IPO4: variants seen among roughly 807,000 people sequenced by gnomAD.
The protein encoded by IPO4 is importin-4.
In IPO4, 91 loss-of-function variants were observed where a neutral mutation model predicts 133.5. The ratio of observed to expected loss-of-function variants is 0.68; its 90% CI spans 0.58 to 0.81. The LOEUF (loss-of-function observed/expected upper bound fraction) is 0.81. Ranked by LOEUF, IPO4 falls within the 30% of genes least tolerant of loss-of-function variation. The pLI is 0.00. For missense variants in IPO4, 1,279 were observed against 1,386.2 expected, an observed-to-expected ratio of 0.92 and a Z score of 1.23; for synonymous variants, 607 against 581.6, an observed-to-expected ratio of 1.04 and a Z score of -0.63.
In IPO4 at chr14:24,184,897, C is replaced by T. The variant is rs745498404; in HGVS notation, c.1492G>A (p.Glu498Lys). 14 of 1,613,936 alleles carry T rather than the reference C, an allele frequency of 8.7e-6. No individual in the cohort carries two copies. Among genetic ancestry groups the T allele is most frequent in the Non-Finnish European group, 1.1e-5 (13 of 1,179,998 alleles). ...LRNPSSPRAK[E>K]LAVSALGAIA... ...GCTCCCAGGGCGCTCACAGCCAGCT[C>T]CTTGGCCCGGGGACTGCTGGGGTTC... is the stretch of plus-strand genomic sequence containing the variant. The change falls in exon 15 of 30, where the codon GAG (glutamate) becomes AAG (lysine). Residue 498 changes from glutamate to lysine, a missense_variant. Coordinates refer to ENST00000354464, the MANE Select transcript of IPO4 (RefSeq NM_024658.4).
chr14:24,183,891 T>A lies in IPO4; in HGVS notation c.1877A>T (p.Tyr626Phe). Residue 626 changes from tyrosine (Y) to phenylalanine (F), a missense_variant, in exon 19 of 30, where the codon TAT (tyrosine) becomes TTT (phenylalanine). Tyr to Phe is a conservative substitution (Grantham distance 22, BLOSUM62 3). Coordinates refer to ENST00000354464, the MANE Select transcript of IPO4 (RefSeq NM_024658.4). ...CAGAAGGAAGGAGCTGCTCCCGTCA[T>A]ACTGAGGCTGGAGCGGAGGCACGGC... ...LRSTEGIVPQ[Y>F]DGSSSFLLFD... is the part of the protein sequence containing the mutation. 1 of 1,614,016 alleles carries A rather than the reference T, an allele frequency of 6.2e-7. No individual in the cohort carries two copies. The highest frequency in any genetic ancestry group is 8.5e-7 in the Non-Finnish European group (1 of 1,180,020).
chr14:24,181,793 C>T lies in IPO4; in HGVS notation c.2858G>A (p.Arg953Gln), dbSNP rs565997832. ...GATGTTGTCACGGACACGATCATGT[C>T]GCTCCCGCGCCAGGAGGGGAAAAAG... is the stretch of plus-strand genomic sequence containing the variant. Reference protein sequence around the residue: ...GLLFPLLARERHDRVRDNICG... With the variant: ...GLLFPLLAREQHDRVRDNICG... Residue 953 changes from arginine to glutamine, a missense_variant, in exon 27 of 30, where the codon CGA becomes CAA. By Grantham distance (43) the Arg-to-Gln change is conservative. This residue lies in a region of IPO4 where 575 missense variants were observed against 653.4 expected (regional missense o/e 0.88). Coordinates refer to ENST00000354464, the MANE Select transcript of IPO4 (RefSeq NM_024658.4). The T allele has an allele frequency of 1.4e-5, 23 of 1,599,356 alleles. No individual in the cohort carries two copies. Among genetic ancestry groups the T allele is most frequent in the African/African-American group, 6.7e-5 (5 of 74,804 alleles).
intron 12 of IPO4, 63 bp downstream of exon 12, chr14:24,185,797 TA>T: frequency 1.6e-6 from 2 of 1,281,036 alleles, no homozygotes; most frequent in Non-Finnish European, 2.3e-6. Context: ...ACAACAAGCG[TA>T]AACCAGGACA....
intron 9 of IPO4, 48 bp from the exon 10 acceptor site, chr14:24,186,499 T>C (rs2039225464): frequency 6.6e-7 from 1 of 1,522,350 alleles, no homozygotes; most frequent in Admixed American, 2.1e-5. Flanking sequence ...GCTCCCAGGA[T>C]GGGCTCACAT....
rs780891755 is a variant in IPO4 at position 24,182,996 on chromosome 14, T to G, written c.2401A>C (p.Lys801Gln). ...CTCACCTTCCTCTGCAGCACAGCCTTGAGCACGCCACAGAGCTCAGCGAGG... is the reference window on the plus strand; with the variant it reads ...CTCACCTTCCTCTGCAGCACAGCCTGGAGCACGCCACAGAGCTCAGCGAGG... ...GRLAELCGVL[K>Q]AVLQRKTACQ... Residue 801 changes from lysine (K) to glutamine (Q), a missense_variant, in exon 23 of 30, where the codon AAG (lysine) becomes CAG (glutamine). Physicochemically the swap from Lys to Gln is moderately conservative, Grantham distance 53 (BLOSUM62 1). Transcript: ENST00000354464. 1 of 1,613,494 alleles carries G rather than the reference T, an allele frequency of 6.2e-7. No individual in the cohort carries two copies. The highest frequency in any genetic ancestry group is 8.5e-7 in the Non-Finnish European group (1 of 1,179,788).
At position 24,185,979 on chromosome 14, in the gene IPO4, G is replaced by A; in HGVS notation, c.1060-9C>T. 6.2e-7 allele frequency: 1 copy of A among 1,612,504 alleles called. No homozygotes were observed. On this transcript the variant is annotated splice_polypyrimidine_tract_variant and intron_variant, in intron 11 of 29. Transcript: ENST00000354464. ...TCTTCCAACATGGGCATCTAGGGAA[G>A]CATGTGGCACGCTTCTGAAACCCCA...
At chr14:24,186,668 A>G in intron 9 of IPO4, 40 bp downstream of exon 9, 1 of 1,553,520 alleles carries the variant, frequency 6.4e-7, no homozygotes, top group South Asian at 1.1e-5. Context: ...AAGGGTGGAG[A>G]TGGGGGTGGG....
At chr14:24,185,793 A>C in intron 12 of IPO4, 68 bp downstream of exon 12, 1 of 1,227,102 alleles carries the variant, frequency 8.1e-7, no homozygotes, top group South Asian at 1.2e-5. Flanking sequence ...TTGAACAACA[A>C]GCGTAAACCA....
Position 24,185,565 on chromosome 14 carries a change from A to G in IPO4, c.1172T>C (p.Leu391Pro), listed in dbSNP as rs371921385. 2 of 1,613,512 alleles carry G rather than the reference A, an allele frequency of 1.2e-6. No homozygotes were observed. Among genetic ancestry groups the G allele is most frequent in the African/African-American group, 1.3e-5 (1 of 74,912 alleles). ...CACAATCTGCAGCAGTGGGGGCAGC[A>G]GTCTGGATGGGGCAAACAAGAGGAC... Reference protein sequence around the residue: ...DGAGDHIRQRLLPPLLQIVCK... With the variant: ...DGAGDHIRQRPLPPLLQIVCK... Residue 391 changes from leucine to proline, a missense_variant and splice_region_variant, in exon 13 of 30, where the codon CTG becomes CCG. Leu to Pro is a moderately conservative substitution (Grantham distance 98). Around this residue, in one of 3 missense-constraint regions of IPO4, gnomAD observed 695 missense variants for 704.1 expected, o/e 0.99. Coordinates refer to ENST00000354464, the MANE Select transcript of IPO4 (RefSeq NM_024658.4).
rs369302921 is a variant in IPO4 at position 24,185,898 on chromosome 14, C to T, written c.1132G>A (p.Val378Met). ...TGGTCGCCAGCTCCGTCAGACAGCA[C>T]GGCCAGCACCAGGAGTCCAGCTTTG... is the stretch of plus-strand genomic sequence containing the variant. ...QRKAGLLVLA[V>M]LSDGAGDHIR... Residue 378 changes from valine (V) to methionine (M), a missense_variant, in exon 12 of 30, where the codon GTG becomes ATG. Val to Met is a conservative substitution (Grantham distance 21). Around this residue, in one of 3 missense-constraint regions of IPO4, gnomAD observed 695 missense variants for 704.1 expected, o/e 0.99. Transcript: ENST00000354464. 8.7e-6 allele frequency: 14 copies of T among 1,613,828 alleles called. No individual in the cohort carries two copies. The highest frequency in any genetic ancestry group is 2.2e-5 in the East Asian group (1 of 44,898).
Position 24,184,939 on chromosome 14 carries a change from T to C in IPO4, c.1450A>G (p.Met484Val). ...CTGGGGTTCCTCAGAAGCTGCAGCA[T>C]GCATTCCATAAGCTCCGGAAGGTAG... ...QPYLPELMEC[M>V]LQLLRNPSSP... Residue 484 changes from methionine to valine, a missense_variant, in exon 15 of 30, where the codon ATG becomes GTG. By Grantham distance (21) the Met-to-Val change is conservative. Around this residue, in one of 3 missense-constraint regions of IPO4, gnomAD observed 695 missense variants for 704.1 expected, o/e 0.99. Transcript: ENST00000354464. The C allele has an allele frequency of 1.2e-6, 2 of 1,614,094 alleles. No individual in the cohort carries two copies. The highest frequency in any genetic ancestry group is 1.3e-5 in the African/African-American group (1 of 75,062).
chr14:24,186,197 G>A lies in IPO4; in HGVS notation c.1006-15C>T. ...ATGTCCACAACCTGAGATGGGATGG[G>A]GAGACTTACTTTGCTTGACTCCATC... On this transcript the variant is annotated splice_polypyrimidine_tract_variant and intron_variant, in intron 10 of 29. Coordinates refer to ENST00000354464, the MANE Select transcript of IPO4 (RefSeq NM_024658.4). The A allele has an allele frequency of 6.2e-7, 1 of 1,613,578 alleles. No individual in the cohort carries two copies. Among genetic ancestry groups the A allele is most frequent in the Non-Finnish European group, 8.5e-7 (1 of 1,179,730 alleles).
Position 24,186,701 on chromosome 14 carries a change from CACTT to C in IPO4, c.840+3_840+6del, listed in dbSNP as rs757163950. On this transcript the variant is annotated splice_donor_5th_base_variant and intron_variant, in intron 9 of 29. Coordinates refer to ENST00000354464, the MANE Select transcript of IPO4 (RefSeq NM_024658.4). ...GGGGTGATGTGTGTCAATGGGCACT[CACTT>C]ACCTTGCTCTTGACTTTGACCAAGA... The C allele has an allele frequency of 2.5e-6, 4 of 1,612,838 alleles. No individual in the cohort carries two copies. The highest frequency in any genetic ancestry group is 2.5e-6 in the Non-Finnish European group (3 of 1,178,956).
At chr14:24,181,479 G>C in intron 28 of IPO4, 34 bp downstream of exon 28, 1 of 1,529,794 alleles carries the variant, frequency 6.5e-7, no homozygotes, top group Non-Finnish European at 8.9e-7. Flanking sequence ...GGAGCGGCAC[G>C]TTCCCCTCTG....
intron 17 of IPO4, 49 bp downstream of exon 17, chr14:24,184,249 G>T: frequency 6.4e-7 from 1 of 1,568,600 alleles, no homozygotes; most frequent in Admixed American, 1.9e-5. Flanking sequence ...CCAGTGGGAA[G>T]ACAGGAGGGG....
At chr14:24,187,294 G>A (rs559934665) in intron 6 of IPO4, 106 bp downstream of exon 6, 195 of 1,481,922 alleles carry the variant, frequency 1.3e-4, no homozygotes, top group Non-Finnish European at 1.2e-4. Flanking sequence ...TTGTCAGGAA[G>A]GGCCACAGGC....
At position 24,181,708 on chromosome 14, in the gene IPO4, C is replaced by T; in HGVS notation, c.2940+3G>A. 3.1e-6 allele frequency: 5 copies of T among 1,604,802 alleles called. No homozygotes were observed. The highest frequency in any genetic ancestry group is 4.3e-6 in the Non-Finnish European group (5 of 1,174,118). ...AGCCCTGCCTGATGTCTCCCTCCCTCACCTGGGGCTCTGGTTTCCTGGTGG... is the reference window on the plus strand; with the variant it reads ...AGCCCTGCCTGATGTCTCCCTCCCTTACCTGGGGCTCTGGTTTCCTGGTGG... On this transcript the variant is annotated splice_donor_region_variant and intron_variant, in intron 27 of 29. Coordinates refer to ENST00000354464, the MANE Select transcript of IPO4 (RefSeq NM_024658.4).
In IPO4 at chr14:24,183,983, C is replaced by A; in HGVS notation, c.1869+15G>T. On this transcript the variant is annotated intron_variant, in intron 18 of 29. Coordinates refer to ENST00000354464, the MANE Select transcript of IPO4 (RefSeq NM_024658.4). ...GCAGGGCAGGCCTGGCCCAGCCCAC[C>A]CACCCTTTGCTCACCACAATGCCCT... 2 of 1,605,128 alleles carry A rather than the reference C, an allele frequency of 1.2e-6. No individual in the cohort carries two copies. The highest frequency in any genetic ancestry group is 1.3e-5 in the African/African-American group (1 of 74,516).
In IPO4 at chr14:24,187,163, T is replaced by G. The variant is rs748859472; in HGVS notation, c.589-13A>C. ...TCCGAGCGAGAGGCTGAGGGACACA[T>G]CACAGAGAGCATGATGCAGCCCAAT... On this transcript the variant is annotated splice_polypyrimidine_tract_variant and intron_variant, in intron 6 of 29. Transcript: ENST00000354464. The G allele has an allele frequency of 6.2e-7, 1 of 1,612,782 alleles. No homozygotes were observed. Among genetic ancestry groups the G allele is most frequent in the South Asian group, 1.1e-5 (1 of 91,060 alleles).
Sources: gnomAD v4.1 joint callset for allele counts on GRCh38, gnomAD v4.1.1 for gene constraint, gnomAD v4.1.1 regional missense constraint, MANE v1.5 for transcripts, NCBI Gene and HGNC (gene_info 2026-07-23, HGNC 2026-07-21) for gene names.